The following NCOA7 variants were observed in gnomAD, a reference collection of about 807,000 sequenced individuals.
NCOA7 encodes the protein 140 kDa estrogen receptor-associated protein.
Under a neutral mutation model 104.3 loss-of-function variants are expected in NCOA7, and 45 were observed. The ratio of observed to expected loss-of-function variants is 0.43; its 90% CI spans 0.34 to 0.55. The LOEUF is 0.55. Ranked by LOEUF, NCOA7 falls within the 20% of genes least tolerant of loss-of-function variation. NCOA7 has a pLI of 0.02. For synonymous variants in NCOA7, 398 were observed against 402.3 expected (o/e 0.99, Z 0.13); for missense variants, 1,041 against 1,119.7 (o/e 0.93, Z 1.00).
chr6:125,888,238 A>G (rs1443019947), intron 8 of NCOA7, among the ~76,000 whole-genome samples: 1 of 152,228 alleles, frequency 6.6e-6, no homozygotes, highest in African/African-American at 2.4e-5. Context: ...TAAGAAATGT[A>G]AGTACTATAC....
chr6:125,890,028 C>T (rs774541345), intron 9 of NCOA7, 47 bp downstream of exon 9: 1 of 1,396,214 alleles, frequency 7.2e-7, no homozygotes, highest in Admixed American at 2.5e-5. Context: ...GCATAATTGC[C>T]TTTCTACAAT....
At chr6:125,813,315 C>T (rs915443789) in intron 1 of NCOA7, among the ~76,000 whole-genome samples, 4 of 152,150 alleles carry the variant, frequency 2.6e-5, no homozygotes, top group African/African-American at 9.7e-5. Context: ...GCATACAAGG[C>T]TTTCCGTGAC....
At chr6:125,921,996 C>T (rs1267646169) in intron 12 of NCOA7, among the ~76,000 whole-genome samples, 12 of 152,132 alleles carry the variant, frequency 7.9e-5, no homozygotes, top group Admixed American at 7.9e-4. Flanking sequence ...CCCTAGTTTA[C>T]TGAGGAACCA....
chr6:125,924,677 G>A (rs906363493), intron 13 of NCOA7, among the ~76,000 whole-genome samples: 1 of 152,190 alleles, frequency 6.6e-6, no homozygotes, highest in Non-Finnish European at 1.5e-5. Flanking sequence ...AAGCCAGTGA[G>A]GGAATATTTA....
At chr6:125,824,582 T>G (rs553782159) in intron 2 of NCOA7, among the ~76,000 whole-genome samples, 258 of 152,156 alleles carry the variant, frequency 1.7e-3, no homozygotes, top group African/African-American at 5.9e-3. Context: ...TGAGAAAAAA[T>G]ACAAATATAT....
intron 3 of NCOA7, among the ~76,000 whole-genome samples, chr6:125,871,911 T>G (rs368176172): frequency 2.0e-4 from 31 of 151,262 alleles, no homozygotes; most frequent in Middle Eastern, 6.8e-3. Context: ...GTGGGAGGAT[T>G]GCTTGAGTCT....
At chr6:125,928,582 T>C in intron 15 of NCOA7, 54 bp from the exon 16 acceptor site, 3 of 1,556,060 alleles carry the variant, frequency 1.9e-6, no homozygotes, top group South Asian at 2.4e-5. Context: ...GAGAATAGTG[T>C]GTCATGTAAC....
upstream of NCOA7, among the ~76,000 whole-genome samples, chr6:125,789,371 T>G (rs1269566508): frequency 2.6e-5 from 4 of 152,192 alleles, no homozygotes; most frequent in South Asian, 8.3e-4. Context: ...TAGTCACAAT[T>G]TGTCCTTGCC....
intron 13 of NCOA7, among the ~76,000 whole-genome samples, chr6:125,926,725 CAG>C (rs1788071220): frequency 6.6e-6 from 1 of 152,114 alleles, no homozygotes; most frequent in African/African-American, 2.4e-5. Flanking sequence ...AGACAGCACA[CAG>C]AGATTGTGAT....
At chr6:125,913,708 TG>T in intron 10 of NCOA7, 1 of 948,638 alleles carries the variant, frequency 1.1e-6, no homozygotes. Flanking sequence ...GTCTGTACTG[TG>T]GGGGAAAAGA....
At position 125,889,449 on chromosome 6, in the gene NCOA7, A is replaced by T. The variant is rs1784474333; in HGVS notation, c.1395A>T (p.Ser465=). Residue 465 remains serine, a synonymous_variant, in exon 9 of 16, where the codon TCA becomes TCT. Transcript: ENST00000392477. The part of the protein sequence containing the change: ...NNSAVEMQVQ[S]ALAFLGTEND... ...CTGCCGTGGAAATGCAGGTGCAGTCAGCCCTAGCCTTTTTGGGAACAGAGA... is the reference window on the plus strand; with the variant it reads ...CTGCCGTGGAAATGCAGGTGCAGTCTGCCCTAGCCTTTTTGGGAACAGAGA... The T allele has an allele frequency of 1.2e-6, 2 of 1,614,096 alleles. No homozygotes were observed. Among genetic ancestry groups the T allele is most frequent in the African/African-American group, 1.3e-5 (1 of 75,074 alleles).
rs192093804 is a variant in NCOA7 at position 125,844,447 on chromosome 6, T to C, written c.51-10573T>C. On this transcript the variant is annotated intron_variant, in intron 2 of 15. Coordinates refer to ENST00000392477, the MANE Select transcript of NCOA7 (RefSeq NM_181782.5). ...CAGGAACATCCACAGGTTTTTCCAG[T>C]GATTACTCTTAAATCTTTTGTTTTT... 5.0e-3 allele frequency among the ~76,000 whole-genome samples: 756 copies of C among 152,366 alleles called. 6 individuals are homozygous for C. Among genetic ancestry groups the C allele is most frequent in the South Asian group, 0.023 (111 of 4,834 alleles).
At chr6:125,847,507 T>C (rs1424245999) in intron 2 of NCOA7, among the ~76,000 whole-genome samples, 1 of 152,218 alleles carries the variant, frequency 6.6e-6, no homozygotes, top group African/African-American at 2.4e-5. Flanking sequence ...GATCCCAAAT[T>C]TTAAAATTAA....
At chr6:125,783,981 T>A (rs145246329) in intron 1 of NCOA7, among the ~76,000 whole-genome samples, 1 of 152,226 alleles carries the variant, frequency 6.6e-6, no homozygotes, top group Non-Finnish European at 1.5e-5. Context: ...GTTTACAATC[T>A]TCTGCTGTTA....
At position 125,889,917 on chromosome 6, in the gene NCOA7, A is replaced by G. The variant is rs1784511933; in HGVS notation, c.1863A>G (p.Ala621=). The change falls in exon 9 of 16, where the codon GCA becomes GCG. Residue 621 remains alanine (A), a synonymous_variant. Transcript: ENST00000392477. ...CTCTGGACAACAGCTGTCAAGGTGC[A>G]CAAATGGATAATAAATCTGAAGTTC... ...ESTLDNSCQG[A]QMDNKSEVQL... 3.2e-6 allele frequency: 5 copies of G among 1,586,872 alleles called. No individual in the cohort carries two copies. Among genetic ancestry groups the G allele is most frequent in the Admixed American group, 1.9e-5 (1 of 52,576 alleles).
intron 14 of NCOA7, 143 bp from the exon 15 acceptor site, chr6:125,928,031 T>TG: frequency 1.3e-6 from 1 of 797,582 alleles, no homozygotes; most frequent in Non-Finnish European, 2.1e-6. Flanking sequence ...CATCCTGGTG[T>TG]GGGCCAGGTC....
intron 10 of NCOA7, chr6:125,900,050 A>C (rs1785364295): frequency 1.9e-6 from 1 of 532,972 alleles, no homozygotes; most frequent in South Asian, 1.4e-5. Flanking sequence ...TAATGATTGC[A>C]AACCTAAATG....
intron 1 of NCOA7, chr6:125,797,727 T>C (rs929976532): frequency 6.6e-6 from 1 of 152,254 alleles, no homozygotes; most frequent in African/African-American, 2.4e-5. Context: ...ATGGGTCTGC[T>C]GGGAAGGTCT....
At chr6:125,804,833 T>C (rs1776284107) in intron 1 of NCOA7, among the ~76,000 whole-genome samples, 1 of 152,188 alleles carries the variant, frequency 6.6e-6, no homozygotes, top group South Asian at 2.1e-4. Context: ...TATTTACCAA[T>C]TCCATTTTCT....
Sources: gnomAD v4.1 joint callset for allele counts (sites outside exome capture counted in the v4.1 genomes callset) on GRCh38, gnomAD v4.1.1 for gene constraint, MANE v1.5 for transcripts, NCBI Gene and HGNC (gene_info 2026-07-23, HGNC 2026-07-21) for gene names.